Variants in PCDH11X observed in about 807,000 individuals in gnomAD.
The protein encoded by PCDH11X is protocadherin 11 X-linked, also known as protocadherin-11 X-linked.
A neutral mutation model predicts 53.3 loss-of-function variants in PCDH11X; 18 were observed. The observed-to-expected ratio is 0.34, with a 90% confidence interval of 0.23 to 0.50. The LOEUF (loss-of-function observed/expected upper bound fraction) is 0.50. Among genes scored for constraint, PCDH11X ranks in the 20% least tolerant of loss-of-function variants. PCDH11X has a pLI of 0.98. For missense variants in PCDH11X, 570 were observed against 1,032.4 expected (o/e 0.55, Z 6.14); for synonymous variants, 279 against 393.3 (o/e 0.71, Z 3.44).
intron 8 of PCDH11X, among the ~76,000 whole-genome samples, chrX:92,351,159 T>C (rs1183865589): frequency 1.8e-5 from 2 of 112,075 alleles, no homozygotes; most frequent in Non-Finnish European, 3.8e-5. Flanking sequence ...TAATCAGATA[T>C]ATCTGTTTCG....
At chrX:92,068,593 G>A (rs779791040) in intron 6 of PCDH11X, among the ~76,000 whole-genome samples, 1 of 110,781 alleles carries the variant, frequency 9.0e-6, no homozygotes, top group Non-Finnish European at 1.9e-5. Flanking sequence ...AGGCTGGAGT[G>A]CAGTTGTGTG....
intron 10 of PCDH11X, among the ~76,000 whole-genome samples, chrX:92,527,199 T>A (rs946209119): frequency 9.0e-6 from 1 of 111,532 alleles, no homozygotes; most frequent in Admixed American, 9.6e-5. Flanking sequence ...AACCTACAAT[T>A]TGATGACACA....
At chrX:91,819,847 G>A (rs1376709227) in intron 4 of PCDH11X, among the ~76,000 whole-genome samples, 1 of 84,472 alleles carries the variant, frequency 1.2e-5, no homozygotes, top group Non-Finnish European at 2.2e-5. Context: ...ACAGTCCCCA[G>A]AGTGTGATGT....
At chrX:92,456,665 T>G in intron 9 of PCDH11X, among the ~76,000 whole-genome samples, 1 of 111,682 alleles carries the variant, frequency 9.0e-6, no homozygotes, top group Middle Eastern at 4.6e-3. Context: ...TTGCAGTGAG[T>G]TAATCTGTCA....
intron 6 of PCDH11X, among the ~76,000 whole-genome samples, chrX:91,932,512 G>A (rs1195034772): frequency 2.0e-5 from 2 of 100,056 alleles, no homozygotes; most frequent in Non-Finnish European, 4.1e-5. Context: ...AAGAGAGGCC[G>A]AGAGAGAGAA....
At chrX:92,113,090 T>G in intron 6 of PCDH11X, among the ~76,000 whole-genome samples, 1 of 103,729 alleles carries the variant, frequency 9.6e-6, no homozygotes, top group Non-Finnish European at 1.9e-5. Context: ...CCTTTTTATC[T>G]ATTTTTTTTT....
intron 7 of PCDH11X, among the ~76,000 whole-genome samples, chrX:92,225,351 T>C (rs1444340385): frequency 9.3e-6 from 1 of 108,066 alleles, no homozygotes; most frequent in Non-Finnish European, 1.9e-5. Context: ...AAAAAAGCGT[T>C]TACTGAGGGC....
intron 6 of PCDH11X, among the ~76,000 whole-genome samples, chrX:91,946,558 CATATATATATATATATATATATAT>C (rs766671132): frequency 7.3e-4 from 23 of 31,623 alleles, no homozygotes; most frequent in South Asian, 2.0e-3. Context: ...CTGTTTCCCT[CATATATATATATATATATATATAT>C]ATATATATAT....
chrX:91,955,099 G>C (rs1324923487), intron 6 of PCDH11X, among the ~76,000 whole-genome samples: 1 of 111,657 alleles, frequency 9.0e-6, no homozygotes, highest in Non-Finnish European at 1.9e-5. Context: ...TTTATATTAA[G>C]TCTTTAATCC....
At chrX:91,886,585 TATA>T (rs1254981206) in intron 6 of PCDH11X, among the ~76,000 whole-genome samples, 1 of 109,909 alleles carries the variant, frequency 9.1e-6, no homozygotes, top group Non-Finnish European at 1.9e-5. Context: ...ATGTAAAAAT[TATA>T]AAACAATTTT....
chrX:92,103,731 G>A (rs1351666002), intron 6 of PCDH11X, among the ~76,000 whole-genome samples: 3 of 112,182 alleles, frequency 2.7e-5, no homozygotes, highest in African/African-American at 3.2e-5. Context: ...CTGGAGGAAC[G>A]CCTGGCTGCT....
At chrX:91,822,460 G>A (rs570698493) in intron 4 of PCDH11X, among the ~76,000 whole-genome samples, 149 of 111,181 alleles carry the variant, frequency 1.3e-3, no homozygotes, top group Middle Eastern at 9.3e-3. Context: ...GTTTATTTGC[G>A]CAGAGGTGTT....
intron 6 of PCDH11X, among the ~76,000 whole-genome samples, chrX:91,884,202 AAAAAAAAAAAG>A (rs1236428690): frequency 3.7e-5 from 4 of 109,251 alleles, no homozygotes; most frequent in African/African-American, 1.3e-4. Context: ...AAAAAAAAAA[AAAAAAAAAAAG>A]AAAAAAAGTT....
chrX:92,160,125 T>G (rs1430238260), intron 6 of PCDH11X, among the ~76,000 whole-genome samples: 1 of 109,538 alleles, frequency 9.1e-6, no homozygotes, highest in Non-Finnish European at 1.9e-5. Flanking sequence ...GGTCTGTAGC[T>G]GGCTGTCTCT....
intron 6 of PCDH11X, among the ~76,000 whole-genome samples, chrX:92,130,766 C>T (rs1329279733): frequency 1.7e-4 from 19 of 110,221 alleles, no homozygotes; most frequent in Non-Finnish European, 3.6e-4. Context: ...ACATTAATTG[C>T]AATTGCAAGC....
At chrX:92,407,729 A>C (rs961216124) in intron 9 of PCDH11X, among the ~76,000 whole-genome samples, 2 of 110,327 alleles carry the variant, frequency 1.8e-5, no homozygotes, top group African/African-American at 6.6e-5. Context: ...TCTTCTCTCT[A>C]TGTACATTAA....
chrX:91,946,884 C>A (rs1420548536), intron 6 of PCDH11X, among the ~76,000 whole-genome samples: 5 of 105,635 alleles, frequency 4.7e-5, no homozygotes, highest in African/African-American at 1.7e-4. Context: ...CCTGAAGATA[C>A]AATTTTTATT....
At chrX:92,113,542 T>C (rs1159728172) in intron 6 of PCDH11X, 1 of 1,196,616 alleles carries the variant, frequency 8.4e-7, no homozygotes, top group African/African-American at 1.9e-5. Flanking sequence ...CTCCTTTTGG[T>C]CCATATCTCC....
At chrX:92,151,413 C>T (rs781660361) in intron 6 of PCDH11X, among the ~76,000 whole-genome samples, 116 of 110,642 alleles carry the variant, frequency 1.0e-3, no homozygotes, top group Non-Finnish European at 1.7e-3. Context: ...AGGATGGTCT[C>T]GATCTCCTGA....
Sources: allele counts gnomAD v4.1 joint callset (sites outside exome capture counted in the v4.1 genomes callset), GRCh38; gene constraint gnomAD v4.1.1; transcripts MANE v1.5; gene names NCBI Gene and HGNC (gene_info 2026-07-23, HGNC 2026-07-21).